Variants in HCN4 observed in about 807,000 individuals in gnomAD.
HCN4 encodes hyperpolarization activated cyclic nucleotide gated potassium channel 4.
In HCN4, 29 loss-of-function variants were observed where a neutral mutation model predicts 76.9. The ratio of observed to expected loss-of-function variants is 0.38; its 90% CI spans 0.28 to 0.51. HCN4 has a LOEUF of 0.51. HCN4 is among the 20% of genes least tolerant of loss of function. The pLI is 0.90. For synonymous variants in HCN4, 772 were observed against 762.5 expected (o/e 1.01, Z -0.21); for missense variants, 1,416 against 1,715.2 (o/e 0.83, Z 3.08).
chr15:73,353,129 A>C (rs1371290078), intron 1 of HCN4, among the ~76,000 whole-genome samples: 1 of 152,190 alleles, frequency 6.6e-6, no homozygotes, highest in Admixed American at 6.5e-5. Context: ...TAAATCATTA[A>C]CATTGATGAT....
chr15:73,356,126 C>T (rs1210922478), intron 1 of HCN4, among the ~76,000 whole-genome samples: 1 of 151,922 alleles, frequency 6.6e-6, no homozygotes, highest in Non-Finnish European at 1.5e-5. Flanking sequence ...CGGGAGGAAA[C>T]AGGCTTGAGG....
intron 1 of HCN4, among the ~76,000 whole-genome samples, chr15:73,359,011 A>C (rs2043093277): frequency 6.6e-6 from 1 of 152,224 alleles, no homozygotes; most frequent in South Asian, 2.1e-4. Flanking sequence ...CCAAGCCCAG[A>C]GGATAATGTA....
intron 1 of HCN4, among the ~76,000 whole-genome samples, chr15:73,344,095 C>G (rs1456766061): frequency 6.6e-6 from 1 of 152,208 alleles, no homozygotes; most frequent in East Asian, 1.9e-4. Flanking sequence ...CAGTAAGAGT[C>G]AGGCTGAAAA....
chr15:73,335,803 CT>C (rs2042961591), intron 2 of HCN4, among the ~76,000 whole-genome samples: 1 of 152,192 alleles, frequency 6.6e-6, no homozygotes, highest in Non-Finnish European at 1.5e-5. Flanking sequence ...AGCCCCCAGA[CT>C]CCTCACTGTG....
rs1567786635 is a variant in HCN4 at position 73,343,434 on chromosome 15, C to CTA, written c.1159_1160insTA (p.Arg387LeufsTer22). The CTA allele has an allele frequency of 6.2e-7, 1 of 1,614,128 alleles. No homozygotes were observed. The highest frequency in any genetic ancestry group is 1.1e-5 in the South Asian group (1 of 91,072). Reference sequence around the variant, plus strand: ...AATGAGGCGGGAGAGGCGTAACAGGCGTAAGAGGCTGAGGATCTTCGTGAA... The same window carrying CTA: ...AATGAGGCGGGAGAGGCGTAACAGGCTAGTAAGAGGCTGAGGATCTTCGTGAA... On this transcript the variant is annotated frameshift_variant, in exon 2 of 8. Transcript: ENST00000261917. LOFTEE classifies it high-confidence loss of function. The surrounding 1 kb of genome is among the most constrained non-coding windows in gnomAD (Gnocchi z 5.7).
At chr15:73,339,716 C>G (rs760295461) in intron 2 of HCN4, among the ~76,000 whole-genome samples, 8 of 152,212 alleles carry the variant, frequency 5.3e-5, no homozygotes, top group Non-Finnish European at 1.2e-4. Flanking sequence ...GTACTAAATA[C>G]TCTCCTCAGC....
intron 2 of HCN4, among the ~76,000 whole-genome samples, chr15:73,335,963 G>T (rs895202650): frequency 6.6e-6 from 1 of 152,162 alleles, no homozygotes; most frequent in Non-Finnish European, 1.5e-5. Context: ...CCCTATGGGG[G>T]TCAGGGAGGA....
Position 73,368,264 on chromosome 15 carries a change from T to C in HCN4, c.7A>G (p.Lys3Glu). Reference sequence around the variant, plus strand: ...CGCTTGCGCATGGACGGCGGCAGCTTGTCCATGGCGCCAGGGGCCGGGGTC... The same window carrying C: ...CGCTTGCGCATGGACGGCGGCAGCTCGTCCATGGCGCCAGGGGCCGGGGTC... MD[K>E]LPPSMRKRLY... is the part of the protein sequence containing the mutation. The change falls in exon 1 of 8, where the codon AAG (lysine) becomes GAG (glutamate). Residue 3 changes from lysine (K) to glutamate (E), a missense_variant. Physicochemically the swap from Lys to Glu is moderately conservative, Grantham distance 56 (BLOSUM62 1). Coordinates refer to ENST00000261917, the MANE Select transcript of HCN4 (RefSeq NM_005477.3). This position sits in a 1 kb window ranked among gnomAD's most constrained non-coding sequence, Gnocchi z 6.9. The C allele has an allele frequency of 6.7e-7, 1 of 1,489,892 alleles. No homozygotes were observed. The highest frequency in any genetic ancestry group is 8.9e-7 in the Non-Finnish European group (1 of 1,123,770). The allele number at this position is 1,489,892 out of a possible 1,614,324, so 92.3% of individuals were successfully genotyped here.
rs1567764066 is a variant in HCN4, at chr15:73,320,463, G to C, written c.*2018C>G. On this transcript the variant is annotated 3_prime_UTR_variant, in exon 8 of 8. Coordinates refer to ENST00000261917, the MANE Select transcript of HCN4 (RefSeq NM_005477.3). ...GCTTGGAGCATGGAAGGTTCTGGATGGATAATGTGGGACCAGCCCTTCTCA... is the reference window on the plus strand; with the variant it reads ...GCTTGGAGCATGGAAGGTTCTGGATCGATAATGTGGGACCAGCCCTTCTCA... 1 of 152,262 alleles carries C rather than the reference G, an allele frequency of 6.6e-6. No individual in the cohort carries two copies. Among genetic ancestry groups the C allele is most frequent in the Non-Finnish European group, 1.5e-5 (1 of 68,086 alleles). The allele number at this position is 152,262 out of a possible 1,614,324, so 9.4% of individuals were successfully genotyped here. A position where few individuals can be genotyped will look rare whatever the true frequency, so the allele number is the denominator to read the frequency against.
At chr15:73,359,187 G>A (rs898022024) in intron 1 of HCN4, among the ~76,000 whole-genome samples, 4 of 152,222 alleles carry the variant, frequency 2.6e-5, no homozygotes, top group Non-Finnish European at 5.9e-5. Flanking sequence ...TGCTTGCTCT[G>A]CAATTTGTGG....
chr15:73,341,069 GGTGTGTGTGTGTGTGT>G (rs76504723), intron 2 of HCN4: 2 of 145,864 alleles, frequency 1.4e-5, no homozygotes, highest in South Asian at 2.2e-4. Flanking sequence ...GAGGGAGGTA[GGTGTGTGTGTGTGTGT>G]GTGTGTGTGT....
At position 73,322,405 on chromosome 15, in the gene HCN4, C is replaced by G. The variant is rs2042864764; in HGVS notation, c.*76G>C. 2 of 1,147,744 alleles carry G rather than the reference C, an allele frequency of 1.7e-6. No individual in the cohort carries two copies. Among genetic ancestry groups the G allele is most frequent in the African/African-American group, 3.0e-5 (2 of 65,688 alleles). 71.1% of individuals were successfully genotyped at this position (1,147,744 alleles called of 1,614,324 possible). ...ATAATTATTACTGTTATTGGTATATCTCCTAATCACAGTTAAACCTGAAGG... is the reference window on the plus strand; with the variant it reads ...ATAATTATTACTGTTATTGGTATATGTCCTAATCACAGTTAAACCTGAAGG... On this transcript the variant is annotated 3_prime_UTR_variant, in exon 8 of 8. Transcript: ENST00000261917.
rs75307879 is a variant in HCN4, at chr15:73,323,114, C to A, written c.2979G>T (p.Thr993=). The change falls in exon 8 of 8, where the codon ACG becomes ACT. Residue 993 remains threonine (T), a synonymous_variant. Transcript: ENST00000261917. ...CAGGCTGCCGTGGGGGTGTCTCTGGCGTGCTCAGTGGGCCAGTGGCCAGAC... is the reference window on the plus strand; with the variant it reads ...CAGGCTGCCGTGGGGGTGTCTCTGGAGTGCTCAGTGGGCCAGTGGCCAGAC... ...SLGLATGPLS[T]PETPPRQPEP... 4.4e-6 allele frequency: 7 copies of A among 1,593,774 alleles called. No individual in the cohort carries two copies. In the South Asian group the frequency reaches 5.7e-5, roughly 13 times the overall value.
rs2042861019 is a variant in HCN4 at position 73,321,885 on chromosome 15, A to G, written c.*596T>C. The stretch of plus-strand genomic sequence containing the variant: ...TGAGTGGCTATCTACATGGCTCTAC[A>G]GAGCGCTACATAGCTATACATATAC... On this transcript the variant is annotated 3_prime_UTR_variant, in exon 8 of 8. Coordinates refer to ENST00000261917, the MANE Select transcript of HCN4 (RefSeq NM_005477.3). 1 of 159,604 alleles carries G rather than the reference A, an allele frequency of 6.3e-6. No homozygotes were observed. The highest frequency in any genetic ancestry group is 6.0e-5 in the Admixed American group (1 of 16,768). 9.9% of individuals were successfully genotyped at this position (159,604 alleles called of 1,614,324 possible).
At chr15:73,364,469 T>A (rs972605253) in intron 1 of HCN4, among the ~76,000 whole-genome samples, 2 of 152,224 alleles carry the variant, frequency 1.3e-5, no homozygotes, top group African/African-American at 4.8e-5. Context: ...TTCCAGGTTC[T>A]CCAGGACACA....
chr15:73,364,284 C>A (rs1324396647), intron 1 of HCN4, among the ~76,000 whole-genome samples: 1 of 152,136 alleles, frequency 6.6e-6, no homozygotes, highest in Non-Finnish European at 1.5e-5. Context: ...ACCCACACAG[C>A]CCCCAGACAC....
chr15:73,355,963 G>C (rs1373440805), intron 1 of HCN4, among the ~76,000 whole-genome samples: 1 of 152,088 alleles, frequency 6.6e-6, no homozygotes, highest in Non-Finnish European at 1.5e-5. Flanking sequence ...ATCAAAGAAG[G>C]CTCCAACACC....
Position 73,322,803 on chromosome 15 carries a change from C to G in HCN4, c.3290G>C (p.Gly1097Ala). The G allele has an allele frequency of 6.5e-7, 1 of 1,541,528 alleles. No homozygotes were observed. The highest frequency in any genetic ancestry group is 8.7e-7 in the Non-Finnish European group (1 of 1,143,930). Residue 1097 changes from glycine (G) to alanine (A), a missense_variant, in exon 8 of 8, where the codon GGG becomes GCG. By Grantham distance (60) the Gly-to-Ala change is moderately conservative. This residue lies in a region of HCN4 where 633 missense variants were observed against 579.8 expected (regional missense o/e 1.09). Transcript: ENST00000261917. ...GGAGGCTCTGCGGAGAGTCTGCGCCCCGTCCTGAGGCAGGGCTGGCTGAGA... is the reference window on the plus strand; with the variant it reads ...GGAGGCTCTGCGGAGAGTCTGCGCCGCGTCCTGAGGCAGGGCTGGCTGAGA... Reference protein sequence around the residue: ...SASQPALPQDGAQTLRRASPH... With the variant: ...SASQPALPQDAAQTLRRASPH...
chr15:73,322,632 C>T lies in HCN4; in HGVS notation c.3461G>A (p.Arg1154Gln), dbSNP rs145862018. 5.2e-5 allele frequency: 84 copies of T among 1,611,376 alleles called. No individual in the cohort carries two copies. The highest frequency in any genetic ancestry group is 6.6e-5 in the South Asian group (6 of 90,592). Residue 1154 changes from arginine (R) to glutamine (Q), a missense_variant, in exon 8 of 8, where the codon CGG becomes CAG. Around this residue, in one of 6 missense-constraint regions of HCN4, gnomAD observed 633 missense variants for 579.8 expected, o/e 1.09. Coordinates refer to ENST00000261917, the MANE Select transcript of HCN4 (RefSeq NM_005477.3). ...TGGCAAAGAACCTGAGGATGTCTTC[C>T]GAGGCAGAGTGACGTGCTGGCCGGG... ...AIPGQHVTLP[R>Q]KTSSGSLPPP...
Sources: allele counts gnomAD v4.1 joint callset (sites outside exome capture counted in the v4.1 genomes callset), GRCh38; gene constraint gnomAD v4.1.1; regional missense constraint gnomAD v4.1.1; non-coding constraint Gnocchi (gnomAD v3.1); transcripts MANE v1.5; gene names NCBI Gene and HGNC (gene_info 2026-07-23, HGNC 2026-07-21).